PDGFC: variants seen among roughly 807,000 people sequenced by gnomAD.
The protein encoded by PDGFC is platelet-derived growth factor C.
PDGFC carries 12 observed loss-of-function variants against 35.5 expected under a neutral mutation model. That is an observed-to-expected ratio of 0.34 (90% CI 0.22 to 0.55). The LOEUF is 0.55. PDGFC is among the 20% of genes least tolerant of loss of function. PDGFC has a pLI of 0.91. For missense variants in PDGFC, 322 were observed against 412.4 expected, an observed-to-expected ratio of 0.78 and a Z score of 1.90; for synonymous variants, 159 against 148.8, an observed-to-expected ratio of 1.07 and a Z score of -0.50.
chr4:156,852,424 C>T (rs1335591711), intron 1 of PDGFC, among the ~76,000 whole-genome samples: 1 of 152,086 alleles, frequency 6.6e-6, no homozygotes, highest in Non-Finnish European at 1.5e-5. Flanking sequence ...AGCTTTCTGC[C>T]ATTTCCTCTT....
intron 1 of PDGFC, among the ~76,000 whole-genome samples, chr4:156,943,986 C>G (rs1238689349): frequency 2.0e-5 from 3 of 152,110 alleles, no homozygotes; most frequent in Non-Finnish European, 4.4e-5. Context: ...TAAGAACTCT[C>G]GTTGACTTGT....
At chr4:156,932,281 C>T (rs2110879830) in intron 1 of PDGFC, among the ~76,000 whole-genome samples, 1 of 152,238 alleles carries the variant, frequency 6.6e-6, no homozygotes, top group Non-Finnish European at 1.5e-5. Flanking sequence ...TCAGGAACAA[C>T]ACACTCTGTT....
chr4:156,945,252 CTAAA>C (rs1471541949), intron 1 of PDGFC, among the ~76,000 whole-genome samples: 2 of 148,460 alleles, frequency 1.3e-5, no homozygotes, highest in African/African-American at 4.9e-5. Flanking sequence ...TAAATGCTAA[CTAAA>C]TAGTTGTTAA....
At chr4:156,797,474 G>T (rs1459260416) in intron 3 of PDGFC, among the ~76,000 whole-genome samples, 3 of 152,124 alleles carry the variant, frequency 2.0e-5, no homozygotes, top group African/African-American at 7.2e-5. Context: ...AGCTGGATTG[G>T]TCACAGCTCT....
At chr4:156,967,109 T>G (rs1732485569) in intron 1 of PDGFC, among the ~76,000 whole-genome samples, 1 of 151,542 alleles carries the variant, frequency 6.6e-6, no homozygotes, top group African/African-American at 2.4e-5. Context: ...ACAGGGAAAC[T>G]TACAGGAAAG....
At chr4:156,936,298 G>A (rs1408353480) in intron 1 of PDGFC, among the ~76,000 whole-genome samples, 1 of 152,156 alleles carries the variant, frequency 6.6e-6, no homozygotes, top group African/African-American at 2.4e-5. Context: ...TGCATCTCAA[G>A]AATGGATCAA....
At chr4:156,828,321 T>C (rs1482348502) in intron 2 of PDGFC, among the ~76,000 whole-genome samples, 4 of 152,206 alleles carry the variant, frequency 2.6e-5, no homozygotes, top group Non-Finnish European at 5.9e-5. Context: ...TGATACAGAT[T>C]ATGTCCTTTA....
rs140787875 is a variant in PDGFC, at chr4:156,834,923, CA to C, written c.314+15297del. On this transcript the variant is annotated intron_variant, in intron 2 of 5. Coordinates refer to ENST00000502773, the MANE Select transcript of PDGFC (RefSeq NM_016205.3). ...AGTCATATAGTTAGTCTGAAAATGG[CA>C]AAAAAAAAACACAACTGAACAGCTT... Among the ~76,000 whole-genome samples, 593 of 137,746 alleles carry C rather than the reference CA, an allele frequency of 4.3e-3. 4 individuals are homozygous for C. The highest frequency in any genetic ancestry group is 0.012 in the African/African-American group (439 of 37,540). The allele number at this position is 137,746 out of a possible 152,430, so 90.4% of individuals were successfully genotyped here.
intron 1 of PDGFC, among the ~76,000 whole-genome samples, chr4:156,899,168 T>G (rs1730704915): frequency 6.6e-6 from 1 of 152,272 alleles, no homozygotes; most frequent in East Asian, 1.9e-4. Context: ...TTCAGAAAAA[T>G]TAAAAGTTCC....
At chr4:156,933,472 A>G (rs1731601083) in intron 1 of PDGFC, among the ~76,000 whole-genome samples, 1 of 152,222 alleles carries the variant, frequency 6.6e-6, no homozygotes, top group Non-Finnish European at 1.5e-5. Flanking sequence ...TTCTTGTTCC[A>G]ACTCCCAAAC....
At chr4:156,960,416 T>C (rs768191632) in intron 1 of PDGFC, among the ~76,000 whole-genome samples, 9 of 151,374 alleles carry the variant, frequency 5.9e-5, no homozygotes, top group Non-Finnish European at 1.0e-4. Context: ...CCTCATGGCA[T>C]ACTAGTGTTC....
intron 1 of PDGFC, among the ~76,000 whole-genome samples, chr4:156,958,220 C>T (rs1732255807): frequency 6.6e-6 from 1 of 151,712 alleles, no homozygotes; most frequent in African/African-American, 2.4e-5. Context: ...AGACAGGTAC[C>T]TAAGGCATAG....
chr4:156,875,619 C>T (rs1425523946), intron 1 of PDGFC, among the ~76,000 whole-genome samples: 1 of 152,108 alleles, frequency 6.6e-6, no homozygotes, highest in Non-Finnish European at 1.5e-5. Context: ...AAAACATCTA[C>T]CTCAAAAGTG....
chr4:156,894,940 C>T (rs924108318), intron 1 of PDGFC, among the ~76,000 whole-genome samples: 4 of 152,130 alleles, frequency 2.6e-5, no homozygotes, highest in African/African-American at 9.7e-5. Flanking sequence ...ATGTATTTTA[C>T]TAATTCTGCA....
intron 1 of PDGFC, among the ~76,000 whole-genome samples, chr4:156,943,585 T>C (rs9784525): frequency 0.078 from 11,916 of 152,106 alleles, 1,493 homozygotes; most frequent in African/African-American, 0.27. Flanking sequence ...TGGAGTGTTT[T>C]ATTGGCCTCC....
chr4:156,813,282 T>C (rs1034196081), intron 2 of PDGFC, among the ~76,000 whole-genome samples: 3 of 152,116 alleles, frequency 2.0e-5, no homozygotes, highest in African/African-American at 7.2e-5. Context: ...CCACCACTCA[T>C]TCGACAGGGA....
intron 2 of PDGFC, chr4:156,836,056 C>T (rs1032595673): frequency 2.0e-5 from 3 of 152,128 alleles, no homozygotes; most frequent in Non-Finnish European, 2.9e-5. Flanking sequence ...GTATTCTAGG[C>T]AAGACCGTAT....
intron 1 of PDGFC, among the ~76,000 whole-genome samples, chr4:156,902,799 T>C (rs1283529994): frequency 1.3e-5 from 2 of 152,304 alleles, no homozygotes; most frequent in African/African-American, 4.8e-5. Flanking sequence ...TTTGGTTCAT[T>C]TGATTGCTCT....
intron 5 of PDGFC, 152 bp from the exon 6 acceptor site, chr4:156,763,358 C>A: frequency 2.4e-6 from 1 of 419,098 alleles, no homozygotes; most frequent in Non-Finnish European, 4.2e-6. Flanking sequence ...AAAACACTCT[C>A]CCACCAAAAA....
Sources: allele counts gnomAD v4.1 joint callset (sites outside exome capture counted in the v4.1 genomes callset), GRCh38; gene constraint gnomAD v4.1.1; transcripts MANE v1.5; gene names NCBI Gene and HGNC (gene_info 2026-07-23, HGNC 2026-07-21).